The following PDZRN4 variants were observed in gnomAD, a reference collection of about 807,000 sequenced individuals.
The protein encoded by PDZRN4 is PDZ domain containing ring finger 4, also known as PDZ domain-containing RING finger protein 4.
In PDZRN4, 70 loss-of-function variants were observed where a neutral mutation model predicts 99.0. That is an observed-to-expected ratio of 0.71 (90% confidence interval 0.58 to 0.86). PDZRN4 has a LOEUF of 0.86. PDZRN4 is among the 40% of genes least tolerant of loss of function. The probability of loss-of-function intolerance (pLI) is 0.00; values close to 1 mark genes in which losing one functional copy is unlikely to be tolerated. For missense variants in PDZRN4, 1,474 were observed against 1,331.2 expected, an observed-to-expected ratio of 1.11 and a Z score of -1.67; for synonymous variants, 551 against 501.6, an observed-to-expected ratio of 1.10 and a Z score of -1.32.
intron 8 of PDZRN4, among the ~76,000 whole-genome samples, chr12:41,564,319 G>GTTCTT (rs1466500968): frequency 2.0e-5 from 3 of 152,068 alleles, no homozygotes; most frequent in Admixed American, 6.6e-5. Flanking sequence ...AGATCTTTAT[G>GTTCTT]GAAGAAGATG....
At chr12:41,321,835 T>C (rs1326417963) in intron 3 of PDZRN4, among the ~76,000 whole-genome samples, 2 of 152,232 alleles carry the variant, frequency 1.3e-5, no homozygotes, top group African/African-American at 2.4e-5. Flanking sequence ...TTTGGAATTA[T>C]TATAACTTTC....
intron 3 of PDZRN4, chr12:41,460,129 C>T (rs1481065811): frequency 2.4e-6 from 3 of 1,224,668 alleles, no homozygotes; most frequent in Non-Finnish European, 3.2e-6. Context: ...GCCTGCCTAC[C>T]ACATGTTTTT....
intron 3 of PDZRN4, among the ~76,000 whole-genome samples, chr12:41,325,612 G>A (rs972743642): frequency 2.0e-5 from 3 of 152,062 alleles, no homozygotes; most frequent in South Asian, 2.1e-4. Context: ...GGTCAGCTAC[G>A]GGTTAGTTAA....
chr12:41,540,540 A>G (rs1938831595), intron 5 of PDZRN4, among the ~76,000 whole-genome samples: 1 of 152,174 alleles, frequency 6.6e-6, no homozygotes, highest in African/African-American at 2.4e-5. Context: ...ACCTATGAAG[A>G]AAACAGTAGG....
intron 6 of PDZRN4, among the ~76,000 whole-genome samples, chr12:41,553,385 A>G (rs964342863): frequency 1.3e-5 from 2 of 152,238 alleles, no homozygotes; most frequent in Admixed American, 1.3e-4. Context: ...TAAAACTCGC[A>G]AAAAGCATTA....
chr12:41,383,847 G>A (rs1203556857), intron 3 of PDZRN4, among the ~76,000 whole-genome samples: 1 of 151,982 alleles, frequency 6.6e-6, no homozygotes, highest in South Asian at 2.1e-4. Flanking sequence ...ACCTTTTCAT[G>A]GAATAGAGTA....
At chr12:41,347,157 A>G (rs1951859692) in intron 3 of PDZRN4, among the ~76,000 whole-genome samples, 1 of 152,050 alleles carries the variant, frequency 6.6e-6, no homozygotes, top group Non-Finnish European at 1.5e-5. Flanking sequence ...TTCCTTGGGT[A>G]TATACCTAGG....
At chr12:41,231,822 T>G (rs992329599) in intron 3 of PDZRN4, among the ~76,000 whole-genome samples, 2 of 152,034 alleles carry the variant, frequency 1.3e-5, no homozygotes, top group Non-Finnish European at 2.9e-5. Context: ...TACCAAAAAT[T>G]TATGGTTCCA....
At chr12:41,311,170 C>T (rs943978181) in intron 3 of PDZRN4, among the ~76,000 whole-genome samples, 7 of 152,030 alleles carry the variant, frequency 4.6e-5, no homozygotes, top group African/African-American at 1.7e-4. Flanking sequence ...TCTGGTACCA[C>T]ATCATTATAT....
intron 5 of PDZRN4, among the ~76,000 whole-genome samples, chr12:41,526,161 T>C (rs887191986): frequency 1.3e-5 from 2 of 152,186 alleles, no homozygotes; most frequent in Admixed American, 6.5e-5. Flanking sequence ...CAGCTCTATC[T>C]GGACTAAAGC....
intron 9 of PDZRN4, among the ~76,000 whole-genome samples, chr12:41,569,327 T>A (rs1939435053): frequency 2.6e-5 from 4 of 152,022 alleles, no homozygotes. Flanking sequence ...ACCATGTTGA[T>A]CAGGCTGTTC....
At chr12:41,213,971 T>A (rs1435326242) in intron 3 of PDZRN4, among the ~76,000 whole-genome samples, 1 of 151,992 alleles carries the variant, frequency 6.6e-6, no homozygotes, top group South Asian at 2.1e-4. Flanking sequence ...AATGAGTTAA[T>A]ATTTCAAAAA....
chr12:41,477,882 C>A, intron 3 of PDZRN4: 1 of 1,551,096 alleles, frequency 6.4e-7, no homozygotes, highest in Non-Finnish European at 8.7e-7. Flanking sequence ...ACAATTTTTC[C>A]TTAAACCTTT....
rs56031225 is a variant in PDZRN4, at chr12:41,402,115, GTATATA to G, written c.844-104320_844-104315del. On this transcript the variant is annotated intron_variant, in intron 3 of 9. Transcript: ENST00000402685. ...ATATATATATATATATACACACTGA[GTATATA>G]TATATATATATATATATATACACAC... Among the ~76,000 whole-genome samples the G allele has an allele frequency of 1.2e-3, 31 of 25,878 alleles. 1 individual carries two copies. Among genetic ancestry groups the G allele is most frequent in the African/African-American group, 1.8e-3 (5 of 2,754 alleles). The allele number at this position is 25,878 out of a possible 152,430, so 17.0% of individuals were successfully genotyped here. A position where few individuals can be genotyped will look rare whatever the true frequency, so the allele number is the denominator to read the frequency against.
intron 3 of PDZRN4, among the ~76,000 whole-genome samples, chr12:41,439,579 A>T (rs1216592058): frequency 6.6e-6 from 1 of 152,176 alleles, no homozygotes; most frequent in Admixed American, 6.5e-5. Context: ...GCCAGAAAGG[A>T]CCACTGTATT....
chr12:41,263,318 C>G (rs553777934), intron 3 of PDZRN4, among the ~76,000 whole-genome samples: 1 of 152,096 alleles, frequency 6.6e-6, no homozygotes, highest in South Asian at 2.1e-4. Context: ...TTTGGGTGGC[C>G]GAGGTGGGCG....
At chr12:41,268,810 A>T (rs1951295953) in intron 3 of PDZRN4, among the ~76,000 whole-genome samples, 1 of 152,198 alleles carries the variant, frequency 6.6e-6, no homozygotes, top group Admixed American at 6.5e-5. Context: ...TGTTTCTAAA[A>T]GTTCAAATTA....
At chr12:41,563,904 G>A (rs532612025) in intron 8 of PDZRN4, among the ~76,000 whole-genome samples, 111 of 152,206 alleles carry the variant, frequency 7.3e-4, no homozygotes, top group African/African-American at 2.6e-3. Flanking sequence ...ACACATTAAA[G>A]ACTTCCTTAT....
intron 3 of PDZRN4, among the ~76,000 whole-genome samples, chr12:41,458,622 T>TA: frequency 6.6e-6 from 1 of 152,268 alleles, no homozygotes; most frequent in African/African-American, 2.4e-5. Context: ...CCAGATGAAG[T>TA]AAGGAGCTTT....
Sources: allele counts gnomAD v4.1 joint callset (sites outside exome capture counted in the v4.1 genomes callset), GRCh38; gene constraint gnomAD v4.1.1; transcripts MANE v1.5; gene names NCBI Gene and HGNC (gene_info 2026-07-23, HGNC 2026-07-21).